The following MGAT5B variants were observed in gnomAD, a reference collection of about 807,000 sequenced individuals.
MGAT5B encodes alpha-1,6-mannosylglycoprotein 6-beta-N-acetylglucosaminyltransferase B.
A neutral mutation model predicts 95.1 loss-of-function variants in MGAT5B; 54 were observed. The observed-to-expected ratio is 0.57, with a 90% CI of 0.46 to 0.71. The LOEUF is 0.71. MGAT5B is among the 30% of genes least tolerant of loss of function. The pLI, the probability that MGAT5B is intolerant of heterozygous loss-of-function variation, is 0.00. For synonymous variants in MGAT5B, 464 were observed against 451.0 expected (o/e 1.03, Z -0.36); for missense variants, 935 against 1,088.6 (o/e 0.86, Z 1.99).
In MGAT5B at chr17:76,887,937, C is replaced by G. The variant is rs544413642; in HGVS notation, c.329+5639C>G. ...CTCCCTCATGGCCCCCCAGCTCACT[C>G]GAGTAAGAGCCCAGGTCCTTCCATT... On this transcript the variant is annotated intron_variant, in intron 3 of 17. Coordinates refer to ENST00000569840, the MANE Select transcript of MGAT5B (RefSeq NM_001199172.2). 5.9e-5 allele frequency among the ~76,000 whole-genome samples: 9 copies of G among 152,068 alleles called. No homozygotes were observed. The East Asian group carries it at 1.2e-3, about 20-fold the overall frequency.
chr17:76,920,492 A>G (rs1969092662), intron 8 of MGAT5B, among the ~76,000 whole-genome samples: 1 of 152,216 alleles, frequency 6.6e-6, no homozygotes. Flanking sequence ...AACTTAAATT[A>G]CAAGTGATAA....
intron 8 of MGAT5B, 131 bp from the exon 9 acceptor site, chr17:76,924,835 C>T: frequency 1.7e-6 from 2 of 1,174,312 alleles, no homozygotes; most frequent in Non-Finnish European, 2.5e-6. Context: ...CCATCCTGCT[C>T]ACTTCCTTTC....
At chr17:76,933,839 G>T (rs546186755) in intron 12 of MGAT5B, among the ~76,000 whole-genome samples, 8 of 152,224 alleles carry the variant, frequency 5.3e-5, no homozygotes, top group Middle Eastern at 3.4e-3. Context: ...GCGTTCCCCG[G>T]GGTCTTCTTA....
Position 76,948,816 on chromosome 17 carries a change from C to T in MGAT5B, c.2357C>T (p.Ala786Val). 6.2e-7 allele frequency: 1 copy of T among 1,604,194 alleles called. No homozygotes were observed. The highest frequency in any genetic ancestry group is 8.5e-7 in the Non-Finnish European group (1 of 1,176,376). The change falls in exon 18 of 18, where the codon GCC becomes GTC. Residue 786 changes from alanine to valine, a missense_variant. Ala to Val is a moderately conservative substitution (Grantham distance 64). Transcript: ENST00000569840. ...PCRDFRKGQV[A>V]LCQGCL ...CGCGACTTCCGCAAGGGCCAGGTGGCCTTGTGCCAGGGCTGTCTGTGAATC... is the reference window on the plus strand; with the variant it reads ...CGCGACTTCCGCAAGGGCCAGGTGGTCTTGTGCCAGGGCTGTCTGTGAATC...
chr17:76,902,533 A>G (rs1263984107), intron 3 of MGAT5B, 22 bp from the exon 4 acceptor site: 1 of 1,544,068 alleles, frequency 6.5e-7, no homozygotes, highest in Non-Finnish European at 8.8e-7. Flanking sequence ...TCTGTGGCTC[A>G]CCTCTGGCTT....
chr17:76,904,202 G>A (rs1382851296), intron 5 of MGAT5B, 50 bp from the exon 6 acceptor site: 2 of 1,547,936 alleles, frequency 1.3e-6, no homozygotes, highest in East Asian at 2.4e-5. Flanking sequence ...GAGTCCCCGA[G>A]GGTCAGTGGG....
intron 12 of MGAT5B, among the ~76,000 whole-genome samples, chr17:76,933,977 G>A (rs1162211967): frequency 6.6e-6 from 1 of 152,140 alleles, no homozygotes; most frequent in Non-Finnish European, 1.5e-5. Context: ...GGGACACCAC[G>A]TTTCCCACAC....
At chr17:76,895,553 G>C (rs988293486) in intron 3 of MGAT5B, among the ~76,000 whole-genome samples, 10 of 152,162 alleles carry the variant, frequency 6.6e-5, no homozygotes, top group Admixed American at 5.2e-4. Flanking sequence ...GCTAGGGAAG[G>C]ATCTGTTCCA....
At position 76,940,699 on chromosome 17, in the gene MGAT5B, G is replaced by T. The variant is rs184060308; in HGVS notation, c.1732-33G>T. ...TTGTCCCTGTCCCACTGGCAGGCACGGGGGGCATCTGCAATCTCTGTACCC... is the reference window on the plus strand; with the variant it reads ...TTGTCCCTGTCCCACTGGCAGGCACTGGGGGCATCTGCAATCTCTGTACCC... On this transcript the variant is annotated intron_variant, in intron 14 of 17. Coordinates refer to ENST00000569840, the MANE Select transcript of MGAT5B (RefSeq NM_001199172.2). This position sits in a 1 kb window ranked among gnomAD's most constrained non-coding sequence, Gnocchi z 4.3. 14 of 1,606,894 alleles carry T rather than the reference G, an allele frequency of 8.7e-6. No homozygotes were observed. The highest frequency in any genetic ancestry group is 1.3e-5 in the African/African-American group (1 of 74,816).
rs1222253436 is a variant in MGAT5B, at chr17:76,916,122, T to A, written c.1026-8844T>A. Among the ~76,000 whole-genome samples, 1 of 150,460 alleles carries A rather than the reference T, an allele frequency of 6.6e-6. No individual in the cohort carries two copies. Among genetic ancestry groups the A allele is most frequent in the Non-Finnish European group, 1.5e-5 (1 of 67,920 alleles). ...CCCTGCCCTTCATCCTTCCTCGGGATCCAGGAGAGACCCTTCCTTGCAAGG... is the reference window on the plus strand; with the variant it reads ...CCCTGCCCTTCATCCTTCCTCGGGAACCAGGAGAGACCCTTCCTTGCAAGG... On this transcript the variant is annotated intron_variant, in intron 8 of 17. Coordinates refer to ENST00000569840, the MANE Select transcript of MGAT5B (RefSeq NM_001199172.2). The surrounding 1 kb of genome is among the most constrained non-coding windows in gnomAD (Gnocchi z 5.3).
intron 13 of MGAT5B, among the ~76,000 whole-genome samples, chr17:76,939,024 T>TTG (rs1969766339): frequency 1.1e-5 from 1 of 87,470 alleles, no homozygotes; most frequent in Non-Finnish European, 2.5e-5. Context: ...CCAAGGCATC[T>TTG]TGGGGGTGTG....
intron 10 of MGAT5B, among the ~76,000 whole-genome samples, chr17:76,932,060 C>CCTT (rs150887986): frequency 2.0e-5 from 3 of 146,858 alleles, no homozygotes; most frequent in Non-Finnish European, 4.5e-5. Context: ...TTCTCCTCCT[C>CCTT]CTTTTTTCCT....
At chr17:76,929,773 CCT>C (rs1169044248) in intron 10 of MGAT5B, among the ~76,000 whole-genome samples, 1 of 152,208 alleles carries the variant, frequency 6.6e-6, no homozygotes, top group African/African-American at 2.4e-5. Flanking sequence ...GGGGCTGCTG[CCT>C]CTCCTGGCCT....
intron 10 of MGAT5B, among the ~76,000 whole-genome samples, chr17:76,928,629 C>T (rs4788958): frequency 0.18 from 27,467 of 151,680 alleles, 2,772 homozygotes; most frequent in East Asian, 0.42. Context: ...CACTTGAACC[C>T]GGGAGGTGGA....
chr17:76,928,880 A>AT (rs60955244), intron 10 of MGAT5B, among the ~76,000 whole-genome samples: 79,510 of 146,152 alleles, frequency 0.54, 21,973 homozygotes, highest in Admixed American at 0.63. Context: ...GTCATGAATA[A>AT]TTTTTTTTTT....
At chr17:76,910,650 G>A (rs1422907368) in intron 8 of MGAT5B, among the ~76,000 whole-genome samples, 2 of 152,260 alleles carry the variant, frequency 1.3e-5, no homozygotes, top group African/African-American at 4.8e-5. Context: ...ACACATGCAT[G>A]TCCACACCCC....
At chr17:76,901,168 G>A (rs561239328) in intron 3 of MGAT5B, among the ~76,000 whole-genome samples, 2 of 152,256 alleles carry the variant, frequency 1.3e-5, no homozygotes, top group East Asian at 3.9e-4. Context: ...AGGGCGGGTG[G>A]CCATTGAGGG....
intron 4 of MGAT5B, among the ~76,000 whole-genome samples, chr17:76,902,976 G>A (rs1278384296): frequency 1.3e-5 from 2 of 148,168 alleles, no homozygotes; most frequent in Non-Finnish European, 3.0e-5. Flanking sequence ...CTGTGATGTG[G>A]GGAGCAGCGA....
At chr17:76,884,838 G>A (rs1410007144) in intron 3 of MGAT5B, among the ~76,000 whole-genome samples, 3 of 152,024 alleles carry the variant, frequency 2.0e-5, no homozygotes, top group Non-Finnish European at 4.4e-5. Context: ...TCTTGACCTC[G>A]TGATCCACCT....
Sources: allele counts gnomAD v4.1 joint callset (sites outside exome capture counted in the v4.1 genomes callset), GRCh38; gene constraint gnomAD v4.1.1; non-coding constraint Gnocchi (gnomAD v3.1); transcripts MANE v1.5; gene names NCBI Gene and HGNC (gene_info 2026-07-23, HGNC 2026-07-21).